The following NRXN1 variants were observed in gnomAD, a reference collection of about 807,000 sequenced individuals.
NRXN1 encodes the protein neurexin 1.
Under a neutral mutation model 150.9 loss-of-function variants are expected in NRXN1, and 39 were observed. That is an observed-to-expected ratio of 0.26 (90% confidence interval 0.20 to 0.34). The LOEUF (loss-of-function observed/expected upper bound fraction) is 0.34, where lower values mean the gene tolerates loss of function less well. Ranked by LOEUF, NRXN1 falls within the 10% of genes least tolerant of loss-of-function variation. NRXN1 has a pLI of 1.00. For missense variants in NRXN1, 1,815 were observed against 1,949.9 expected, an observed-to-expected ratio of 0.93 and a Z score of 1.30; for synonymous variants, 924 against 757.0, an observed-to-expected ratio of 1.22 and a Z score of -3.62.
chr2:50,525,721 C>A (rs2092933365), intron 12 of NRXN1, among the ~76,000 whole-genome samples: 1 of 152,154 alleles, frequency 6.6e-6, no homozygotes, highest in South Asian at 2.1e-4. Flanking sequence ...AAGAAAGTAC[C>A]CTATCTATAG....
At chr2:50,043,262 T>C (rs1308971410) in intron 21 of NRXN1, among the ~76,000 whole-genome samples, 2 of 152,106 alleles carry the variant, frequency 1.3e-5, no homozygotes, top group African/African-American at 2.4e-5. Flanking sequence ...TGTCTGAAAC[T>C]ACAGTGAAAA....
chr2:50,170,141 T>TCACACACA (rs71404935), intron 18 of NRXN1, among the ~76,000 whole-genome samples: 3 of 148,464 alleles, frequency 2.0e-5, no homozygotes, highest in African/African-American at 7.4e-5. Context: ...ATAGATAATA[T>TCACACACA]CACACACACA....
At chr2:50,641,161 C>G (rs891623138) in intron 5 of NRXN1, among the ~76,000 whole-genome samples, 1 of 152,128 alleles carries the variant, frequency 6.6e-6, no homozygotes, top group South Asian at 2.1e-4. Flanking sequence ...GCTTCCTTTA[C>G]TGCTGTGCCT....
At chr2:50,211,419 A>T (rs1408673274) in intron 18 of NRXN1, among the ~76,000 whole-genome samples, 1 of 151,630 alleles carries the variant, frequency 6.6e-6, no homozygotes, top group African/African-American at 2.4e-5. Flanking sequence ...AGATGAAAAT[A>T]TTCATAGTCC....
At chr2:50,933,430 C>G (rs1045456642) in intron 2 of NRXN1, among the ~76,000 whole-genome samples, 10 of 151,992 alleles carry the variant, frequency 6.6e-5, no homozygotes, top group African/African-American at 2.4e-4. Flanking sequence ...TAGTAAATCT[C>G]CTGGGAACTG....
intron 5 of NRXN1, among the ~76,000 whole-genome samples, chr2:50,815,545 T>C (rs9752326): frequency 0.31 from 47,242 of 152,002 alleles, 8,358 homozygotes; most frequent in Non-Finnish European, 0.41. Context: ...CTATTTCAAA[T>C]ATTAAAATGT....
chr2:50,096,733 T>A (rs370823178), intron 18 of NRXN1, among the ~76,000 whole-genome samples: 1 of 152,190 alleles, frequency 6.6e-6, no homozygotes. Context: ...AATTATTGAT[T>A]TTTTTACAAA....
chr2:50,590,728 C>T (rs1219882407), intron 8 of NRXN1, among the ~76,000 whole-genome samples: 6 of 152,100 alleles, frequency 3.9e-5, no homozygotes, highest in East Asian at 3.9e-4. Context: ...AGAAGATGGA[C>T]GATCATGAAT....
At chr2:50,720,960 T>C (rs993382609) in intron 5 of NRXN1, among the ~76,000 whole-genome samples, 1 of 152,176 alleles carries the variant, frequency 6.6e-6, no homozygotes. Flanking sequence ...AATTCCAGTC[T>C]GCAATCCTAC....
At chr2:50,091,648 A>C (rs766279354) in intron 18 of NRXN1, among the ~76,000 whole-genome samples, 154 bp from the exon 19 acceptor site, 16 of 152,240 alleles carry the variant, frequency 1.1e-4, no homozygotes, top group Non-Finnish European at 1.9e-4. Context: ...TAGAAGCAAG[A>C]TTCTTGACAT....
intron 18 of NRXN1, among the ~76,000 whole-genome samples, chr2:50,235,475 T>C (rs2152877404): frequency 6.6e-6 from 1 of 152,226 alleles, no homozygotes; most frequent in Admixed American, 6.6e-5. Context: ...AATTCAGCCC[T>C]TGTGGTCAGT....
chr2:50,481,785 A>G (rs1267072140), intron 15 of NRXN1, among the ~76,000 whole-genome samples: 22 of 2,186 alleles, frequency 0.01, no homozygotes, highest in African/African-American at 0.056. Context: ...TTTTTTTTTG[A>G]GACGGAGTCT....
chr2:50,041,974 T>A (rs1168804595), intron 21 of NRXN1, among the ~76,000 whole-genome samples: 2 of 152,306 alleles, frequency 1.3e-5, no homozygotes, highest in East Asian at 3.9e-4. Context: ...GGTGCCTCCT[T>A]CCTAGTCTTA....
chr2:50,324,134 TATATG>T (rs2076228128), intron 17 of NRXN1, among the ~76,000 whole-genome samples: 1 of 152,082 alleles, frequency 6.6e-6, no homozygotes, highest in East Asian at 1.9e-4. Flanking sequence ...TCAGGCAGGG[TATATG>T]CTTGAGTAGA....
chr2:49,995,037 C>T (rs1337480483), intron 21 of NRXN1, among the ~76,000 whole-genome samples: 1 of 152,158 alleles, frequency 6.6e-6, no homozygotes, highest in African/African-American at 2.4e-5. Flanking sequence ...AAGAAAACAC[C>T]TGAGGAAGGG....
chr2:50,472,347 G>A lies in NRXN1; in HGVS notation c.3195C>T (p.Leu1065=). The change falls in exon 16 of 23, where the codon CTC becomes CTT. Residue 1065 remains leucine, a synonymous_variant. Coordinates refer to ENST00000401669, the MANE Select transcript of NRXN1 (RefSeq NM_001330078.2). ...SVDLNGRLPD[L]ISDALFCNGQ... ...CGTTGCAGAAAAGAGCATCGGAGAT[G>A]AGGTCCGGAAGCCGTCCATTTAAAT... 1 of 1,611,614 alleles carries A rather than the reference G, an allele frequency of 6.2e-7. No individual in the cohort carries two copies.
At chr2:50,782,813 T>C (rs2105528338) in intron 5 of NRXN1, among the ~76,000 whole-genome samples, 1 of 152,194 alleles carries the variant, frequency 6.6e-6, no homozygotes, top group South Asian at 2.1e-4. Flanking sequence ...GATTCTGAAG[T>C]AGATGGAAAA....
chr2:50,427,887 A>C (rs867301058), intron 17 of NRXN1, among the ~76,000 whole-genome samples: 2 of 152,192 alleles, frequency 1.3e-5, no homozygotes, highest in Non-Finnish European at 2.9e-5. Flanking sequence ...TTTAGAGAGA[A>C]TCCTTAGATT....
chr2:50,327,499 A>T (rs139157905), intron 17 of NRXN1, among the ~76,000 whole-genome samples: 354 of 92,046 alleles, frequency 3.8e-3, no homozygotes, highest in Non-Finnish European at 4.3e-3. Flanking sequence ...CCACTGACTT[A>T]TACACTTAAA....
Sources: allele counts gnomAD v4.1 joint callset (sites outside exome capture counted in the v4.1 genomes callset), GRCh38; gene constraint gnomAD v4.1.1; transcripts MANE v1.5; gene names NCBI Gene and HGNC (gene_info 2026-07-23, HGNC 2026-07-21).